Variants in ARMC2 observed in about 807,000 individuals in gnomAD.
ARMC2 encodes the protein armadillo repeat-containing protein 2.
ARMC2 carries 67 observed loss-of-function variants against 90.3 expected under a neutral mutation model. The observed-to-expected ratio is 0.74, with a 90% CI of 0.61 to 0.91. ARMC2 has a LOEUF of 0.91. Among genes scored for constraint, ARMC2 ranks in the 40% least tolerant of loss-of-function variants. The pLI is 0.00. For missense variants in ARMC2, 920 were observed against 1,030.9 expected (o/e 0.89, Z 1.47); for synonymous variants, 393 against 393.0 (o/e 1.00, Z 0.00).
At chr6:108,873,926 T>C (rs969548013) in intron 4 of ARMC2, among the ~76,000 whole-genome samples, 1 of 152,172 alleles carries the variant, frequency 6.6e-6, no homozygotes, top group Non-Finnish European at 1.5e-5. Context: ...TAGAGCAACG[T>C]CATTAAGAAA....
chr6:108,884,971 C>G (rs934647264), intron 5 of ARMC2, among the ~76,000 whole-genome samples: 1 of 152,182 alleles, frequency 6.6e-6, no homozygotes, highest in Non-Finnish European at 1.5e-5. Flanking sequence ...GTCACAGCCA[C>G]TGCTCCCTGT....
chr6:108,978,188 G>A (rs975692987), downstream of ARMC2, among the ~76,000 whole-genome samples: 2 of 152,188 alleles, frequency 1.3e-5, no homozygotes, highest in East Asian at 1.9e-4. Flanking sequence ...CAGAGATTCC[G>A]GTACATTGTG....
intron 16 of ARMC2, 40 bp from the exon 17 acceptor site, chr6:108,964,940 C>T: frequency 6.9e-7 from 1 of 1,456,930 alleles, no homozygotes; most frequent in Non-Finnish European, 9.5e-7. Context: ...AAGACAGATT[C>T]TGACCTAATA....
chr6:108,979,950 C>T, the ARMC2 span, among the ~76,000 whole-genome samples: 10 of 151,874 alleles, frequency 6.6e-5, no homozygotes, highest in African/African-American at 2.4e-4. Context: ...TCCTTTAGCT[C>T]GGAGGAGTAT....
At chr6:108,932,614 T>C (rs7758601) in intron 11 of ARMC2, among the ~76,000 whole-genome samples, 36,381 of 144,990 alleles carry the variant, frequency 0.25, 4,837 homozygotes, top group East Asian at 0.4. Flanking sequence ...CTGCAAGCTC[T>C]GCCTCCCGGG....
chr6:108,856,289 A>T (rs1582923634), intron 2 of ARMC2: 1 of 149,910 alleles, frequency 6.7e-6, no homozygotes, highest in Non-Finnish European at 1.5e-5. Flanking sequence ...TAGATGCTAG[A>T]TGTCCAGTTG....
At chr6:109,051,410 C>CA in the ARMC2 span, among the ~76,000 whole-genome samples, 1 of 152,192 alleles carries the variant, frequency 6.6e-6, no homozygotes, top group Admixed American at 6.5e-5. Context: ...GAACAAACTG[C>CA]AACATTGTAT....
chr6:109,026,227 A>C, the ARMC2 span, among the ~76,000 whole-genome samples: 1 of 152,208 alleles, frequency 6.6e-6, no homozygotes, highest in African/African-American at 2.4e-5. Context: ...ATTTTAAGAG[A>C]CAAAAACTAA....
intron 5 of ARMC2, among the ~76,000 whole-genome samples, chr6:108,889,675 C>T (rs990180591): frequency 1.3e-5 from 2 of 151,560 alleles, no homozygotes; most frequent in Admixed American, 1.3e-4. Context: ...CCTTGAACTC[C>T]TAGGTGCAAG....
At chr6:108,916,242 A>C (rs2768565) in intron 10 of ARMC2, among the ~76,000 whole-genome samples, 1 of 152,062 alleles carries the variant, frequency 6.6e-6, no homozygotes, top group Admixed American at 6.5e-5. Context: ...TCTGTGTCAA[A>C]CATGTTCTGG....
At chr6:108,889,295 G>A (rs981912935) in intron 5 of ARMC2, among the ~76,000 whole-genome samples, 2 of 150,680 alleles carry the variant, frequency 1.3e-5, no homozygotes, top group Non-Finnish European at 2.9e-5. Context: ...ACAGGCGCCC[G>A]CCACCATGCC....
chr6:108,868,125 A>G (rs547565810), intron 3 of ARMC2, among the ~76,000 whole-genome samples: 2 of 151,996 alleles, frequency 1.3e-5, no homozygotes, highest in African/African-American at 4.8e-5. Context: ...TGGTACATGT[A>G]GGTACTCAAC....
Position 108,973,367 on chromosome 6 carries a change from A to T in ARMC2, c.2457A>T (p.Leu819=), listed in dbSNP as rs1225396184. ...ATTTTTCTAATACAGATGAAGAACT[A>T]GCACTGGATGGCAGTTTTGATCCAG... ...LLLSSFLDEE[L]ALDGSFDPDL... The change falls in exon 18 of 18, where the codon CTA becomes CTT. Residue 819 remains leucine, a synonymous_variant. Transcript: ENST00000392644. 3 of 1,612,426 alleles carry T rather than the reference A, an allele frequency of 1.9e-6. No individual in the cohort carries two copies. Among genetic ancestry groups the T allele is most frequent in the Non-Finnish European group, 1.7e-6 (2 of 1,178,898 alleles).
At chr6:109,009,085 C>T in the ARMC2 span, 1 of 821,182 alleles carries the variant, frequency 1.2e-6, no homozygotes. Context: ...TACATGACCG[C>T]GGCCGCAGTC....
At chr6:108,941,703 C>T (rs151037566) in intron 12 of ARMC2, among the ~76,000 whole-genome samples, 1 of 152,268 alleles carries the variant, frequency 6.6e-6, no homozygotes, top group African/African-American at 2.4e-5. Context: ...TTGTAAATTC[C>T]CGGTTCTTCA....
chr6:108,994,696 ATCTT>A, the ARMC2 span: 1 of 628,522 alleles, frequency 1.6e-6, no homozygotes, highest in East Asian at 5.1e-5. Context: ...AAGAATTTAT[ATCTT>A]TTTTTTTTTT....
intron 3 of ARMC2, among the ~76,000 whole-genome samples, chr6:108,865,790 A>C (rs886997819): frequency 4.6e-5 from 7 of 152,086 alleles, no homozygotes; most frequent in African/African-American, 1.7e-4. Flanking sequence ...AGGCCAAGGC[A>C]GGAGAGCTTT....
At chr6:108,909,324 C>A (rs1209137473) in intron 8 of ARMC2, among the ~76,000 whole-genome samples, 1 of 152,020 alleles carries the variant, frequency 6.6e-6, no homozygotes, top group East Asian at 1.9e-4. Flanking sequence ...TGATGTCCCA[C>A]AATTTAATAA....
At position 108,953,144 on chromosome 6, in the gene ARMC2, T is replaced by C. The variant is rs1450507113; in HGVS notation, c.1708T>C (p.Phe570Leu). The C allele has an allele frequency of 6.2e-7, 1 of 1,614,064 alleles. No homozygotes were observed. Among genetic ancestry groups the C allele is most frequent in the Non-Finnish European group, 8.5e-7 (1 of 1,179,892 alleles). The change falls in exon 13 of 18, where the codon TTC becomes CTC. Residue 570 changes from phenylalanine to leucine, a missense_variant. Physicochemically the swap from Phe to Leu is conservative, Grantham distance 22. Coordinates refer to ENST00000392644, the MANE Select transcript of ARMC2 (RefSeq NM_032131.6). ...GAGCATCCAAACTCTGCTGTCATTA[T>C]TCCAGACGTTCCATCAGCTGGATCT... is the stretch of plus-strand genomic sequence containing the variant. ...KGSIQTLLSL[F>L]QTFHQLDLHS...
Sources: gnomAD v4.1 joint callset for allele counts (sites outside exome capture counted in the v4.1 genomes callset) on GRCh38, gnomAD v4.1.1 for gene constraint, MANE v1.5 for transcripts, NCBI Gene and HGNC (gene_info 2026-07-23, HGNC 2026-07-21) for gene names.